Variants in BRINP2 observed in about 807,000 individuals in gnomAD.
The protein encoded by BRINP2 is BMP/retinoic acid-inducible neural-specific protein 2.
A neutral mutation model predicts 69.2 loss-of-function variants in BRINP2; 21 were observed. That is an observed-to-expected ratio of 0.30 (90% CI 0.22 to 0.44). The LOEUF (loss-of-function observed/expected upper bound fraction) is 0.44. Ranked by LOEUF, BRINP2 falls within the 20% of genes least tolerant of loss-of-function variation. The pLI is 1.00. For synonymous variants in BRINP2, 380 were observed against 394.1 expected (o/e 0.96, Z 0.42); for missense variants, 877 against 986.0 (o/e 0.89, Z 1.48).
At chr1:177,172,902 A>G (rs1367458410) in intron 1 of BRINP2, among the ~76,000 whole-genome samples, 1 of 152,242 alleles carries the variant, frequency 6.6e-6, no homozygotes, top group African/African-American at 2.4e-5. Context: ...GAGGGATAAA[A>G]GGTATATTAT....
At chr1:177,231,127 T>C (rs192263861) in intron 2 of BRINP2, among the ~76,000 whole-genome samples, 1 of 152,368 alleles carries the variant, frequency 6.6e-6, no homozygotes, top group East Asian at 1.9e-4. Context: ...AACACACTAA[T>C]GTTTTTGGAC....
intron 1 of BRINP2, among the ~76,000 whole-genome samples, chr1:177,201,836 T>C (rs932849349): frequency 1.3e-5 from 2 of 152,166 alleles, no homozygotes; most frequent in East Asian, 1.9e-4. Flanking sequence ...GTCCTGGACT[T>C]TTTTTGGTTG....
chr1:177,256,993 G>A (rs953304918), intron 3 of BRINP2, 183 bp from the exon 4 acceptor site: 43 of 1,502,806 alleles, frequency 2.9e-5, no homozygotes, highest in Middle Eastern at 3.5e-4. Context: ...CAGCGAGGCC[G>A]CTGGCCTGTG....
intron 4 of BRINP2, among the ~76,000 whole-genome samples, chr1:177,269,453 T>TG (rs1300753913): frequency 6.6e-6 from 1 of 152,152 alleles, no homozygotes; most frequent in Non-Finnish European, 1.5e-5. Context: ...AAGGACTTGG[T>TG]GGGGAGGGCT....
At chr1:177,231,506 C>T (rs141910141) in intron 2 of BRINP2, among the ~76,000 whole-genome samples, 6 of 152,328 alleles carry the variant, frequency 3.9e-5, no homozygotes, top group African/African-American at 1.4e-4. Context: ...TTTATAGAGG[C>T]CATTCACCTG....
At chr1:177,216,468 CTGT>C (rs933912434) in intron 1 of BRINP2, among the ~76,000 whole-genome samples, 1 of 152,052 alleles carries the variant, frequency 6.6e-6, no homozygotes, top group African/African-American at 2.4e-5. Flanking sequence ...ATTTCAGTAA[CTGT>C]TGTTATTAAC....
intron 1 of BRINP2, among the ~76,000 whole-genome samples, chr1:177,173,134 G>C (rs527695499): frequency 6.6e-5 from 10 of 152,174 alleles, no homozygotes; most frequent in Non-Finnish European, 1.3e-4. Context: ...TATGTTATTT[G>C]TTTAAGGCAT....
chr1:177,201,480 C>CTT (rs1464243695), intron 1 of BRINP2, among the ~76,000 whole-genome samples: 14 of 152,170 alleles, frequency 9.2e-5, no homozygotes, highest in Admixed American at 9.2e-4. Context: ...TTGCCTTGTA[C>CTT]TTTTTGTCAG....
At chr1:177,236,768 T>G (rs1650040974) in intron 2 of BRINP2, among the ~76,000 whole-genome samples, 1 of 152,220 alleles carries the variant, frequency 6.6e-6, no homozygotes, top group South Asian at 2.1e-4. Flanking sequence ...CTAGATGTGG[T>G]TTAGGAACTG....
intron 7 of BRINP2, among the ~76,000 whole-genome samples, chr1:177,279,264 T>G (rs1329438789): frequency 6.6e-6 from 1 of 152,220 alleles, no homozygotes; most frequent in African/African-American, 2.4e-5. Flanking sequence ...ACTGATTCAT[T>G]TATTTATTTA....
At chr1:177,256,885 C>T in intron 3 of BRINP2, 1 of 1,232,766 alleles carries the variant, frequency 8.1e-7, no homozygotes, top group South Asian at 1.6e-5. Flanking sequence ...TTGTGTCTCC[C>T]CTATGAAGAT....
In BRINP2 at chr1:177,281,151, G is replaced by A; in HGVS notation, c.1975G>A (p.Glu659Lys). 3 of 1,614,190 alleles carry A rather than the reference G, an allele frequency of 1.9e-6. No individual in the cohort carries two copies. The highest frequency in any genetic ancestry group is 2.5e-6 in the Non-Finnish European group (3 of 1,180,032). The change falls in exon 8 of 8, where the codon GAG becomes AAG. Residue 659 changes from glutamate (E) to lysine (K), a missense_variant. Coordinates refer to ENST00000361539, the MANE Select transcript of BRINP2 (RefSeq NM_021165.4). ...CAAGTCCCTGGATGACAGCTCCAAT[G>A]AGACAATCTACTATGAGCCCCTGGA... ...RIKSLDDSSNETIYYEPLEMT... is the reference protein window; with the variant it reads ...RIKSLDDSSNKTIYYEPLEMT...
chr1:177,198,063 A>C (rs530308107), intron 1 of BRINP2, among the ~76,000 whole-genome samples: 2 of 152,322 alleles, frequency 1.3e-5, no homozygotes, highest in African/African-American at 4.8e-5. Context: ...TAAATTGATA[A>C]GCTAGGAAGC....
At chr1:177,180,381 G>T (rs1028269164) in intron 1 of BRINP2, among the ~76,000 whole-genome samples, 2 of 152,170 alleles carry the variant, frequency 1.3e-5, no homozygotes, top group Non-Finnish European at 2.9e-5. Context: ...TGTGACCTCT[G>T]CTATGTGTGG....
chr1:177,211,167 T>C (rs528700406), intron 1 of BRINP2, among the ~76,000 whole-genome samples: 1 of 152,244 alleles, frequency 6.6e-6, no homozygotes, highest in South Asian at 2.1e-4. Context: ...TAAAAGAGCA[T>C]ATATTTTAAA....
intron 2 of BRINP2, among the ~76,000 whole-genome samples, chr1:177,252,747 T>C (rs1650622619): frequency 1.3e-5 from 2 of 152,282 alleles, no homozygotes; most frequent in Admixed American, 6.5e-5. Context: ...TCCTAGCCTC[T>C]GGTAACCACT....
Position 177,229,863 on chromosome 1 carries a change from C to T in BRINP2, c.-14C>T, listed in dbSNP as rs1649809993. The T allele has an allele frequency of 2.6e-6, 4 of 1,562,544 alleles. No individual in the cohort carries two copies. Among genetic ancestry groups the T allele is most frequent in the Non-Finnish European group, 1.7e-6 (2 of 1,149,770 alleles). ...GTGGCGAGAGAATGAAGAAACCAAT[C>T]GCCCGGGAGAAGCATGAGGTGGCAG... On this transcript the variant is annotated 5_prime_UTR_variant, in exon 2 of 8. Transcript: ENST00000361539.
At chr1:177,204,515 C>T (rs1020204894) in intron 1 of BRINP2, among the ~76,000 whole-genome samples, 2 of 151,962 alleles carry the variant, frequency 1.3e-5, no homozygotes, top group African/African-American at 2.4e-5. Context: ...GCCAAGAAAG[C>T]TAAGAAAATA....
intron 4 of BRINP2, among the ~76,000 whole-genome samples, chr1:177,265,688 C>T (rs1393227502): frequency 6.6e-6 from 1 of 152,092 alleles, no homozygotes; most frequent in Non-Finnish European, 1.5e-5. Flanking sequence ...TAGGCTGCAA[C>T]CCAAGAGTCT....
Sources: gnomAD v4.1 joint callset for allele counts (sites outside exome capture counted in the v4.1 genomes callset) on GRCh38, gnomAD v4.1.1 for gene constraint, MANE v1.5 for transcripts, NCBI Gene and HGNC (gene_info 2026-07-23, HGNC 2026-07-21) for gene names.